The following SNRK variants were observed in gnomAD, a reference collection of about 807,000 sequenced individuals.
SNRK encodes SNF related kinase.
A neutral mutation model predicts 48.2 loss-of-function variants in SNRK; 3 were observed. That is an observed-to-expected ratio of 0.06 (90% confidence interval 0.03 to 0.16). SNRK has a LOEUF of 0.16. Among genes scored for constraint, SNRK ranks in the 10% least tolerant of loss-of-function variants. The pLI is 1.00. For missense variants in SNRK, 627 were observed against 976.0 expected, an observed-to-expected ratio of 0.64 and a Z score of 4.76; for synonymous variants, 376 against 366.1, an observed-to-expected ratio of 1.03 and a Z score of -0.31.
At chr3:43,323,944 A>G (rs1559465912) in intron 3 of SNRK, among the ~76,000 whole-genome samples, 1 of 152,156 alleles carries the variant, frequency 6.6e-6, no homozygotes, top group South Asian at 2.1e-4. Flanking sequence ...GGATGACTAC[A>G]CAGAGGCACA....
At chr3:43,309,349 G>A (rs1241604941) in intron 3 of SNRK, among the ~76,000 whole-genome samples, 7 of 152,156 alleles carry the variant, frequency 4.6e-5, no homozygotes, top group Admixed American at 4.6e-4. Context: ...ATTGACTTCA[G>A]TTTTGAAAGA....
rs560698109 is a variant in SNRK at position 43,320,851 on chromosome 3, A to G, written c.590-11318A>G. 2.0e-5 allele frequency among the ~76,000 whole-genome samples: 3 copies of G among 152,106 alleles called. No homozygotes were observed. The East Asian group carries it at 5.8e-4, about 29-fold the overall frequency. ...ATATGAATTTTTGCTTTAGATCTAG[A>G]AAGGGCTCTTCATGACTTTGAATTT... On this transcript the variant is annotated intron_variant, in intron 3 of 6. Transcript: ENST00000296088.
rs144855693 is a variant in SNRK at position 43,299,301 on chromosome 3, C to A, written c.-168-453C>A. On this transcript the variant is annotated intron_variant, in intron 1 of 6. Transcript: ENST00000296088. The stretch of plus-strand genomic sequence containing the variant: ...CAAGCAAGTCTCCTGCCTCAGTCTC[C>A]TGAGTAGCTGGGATTACAGGCGCCC... Among the ~76,000 whole-genome samples the A allele has an allele frequency of 6.6e-3, 1,005 of 152,240 alleles. 14 individuals carry two copies. Among genetic ancestry groups the A allele is most frequent in the African/African-American group, 0.023 (957 of 41,532 alleles).
chr3:43,308,862 C>G (rs1199066914), intron 3 of SNRK, among the ~76,000 whole-genome samples: 1 of 152,150 alleles, frequency 6.6e-6, no homozygotes, highest in South Asian at 2.1e-4. Context: ...TCCTCCGATC[C>G]ATCTGGGCAA....
intron 3 of SNRK, among the ~76,000 whole-genome samples, chr3:43,317,641 G>A (rs930379323): frequency 2.0e-5 from 3 of 151,910 alleles, no homozygotes; most frequent in Admixed American, 6.6e-5. Flanking sequence ...TTGCTCCTTC[G>A]GCTCCAGCCA....
chr3:43,322,612 A>G (rs537485006), intron 3 of SNRK, among the ~76,000 whole-genome samples: 7 of 152,338 alleles, frequency 4.6e-5, no homozygotes, highest in Middle Eastern at 3.4e-3. Flanking sequence ...TAACCTTGCA[A>G]ATAATTAGAG....
chr3:43,291,662 T>G (rs924852470), intron 1 of SNRK, among the ~76,000 whole-genome samples: 2 of 152,248 alleles, frequency 1.3e-5, no homozygotes, highest in Admixed American at 6.5e-5. Context: ...GACATGCCTT[T>G]TCATAGAAGT....
intron 3 of SNRK, among the ~76,000 whole-genome samples, chr3:43,313,634 A>G (rs1280483535): frequency 1.3e-5 from 2 of 152,206 alleles, no homozygotes; most frequent in African/African-American, 2.4e-5. Flanking sequence ...AAATCTCCAC[A>G]TGTGATAAAA....
chr3:43,300,476 C>CT, intron 2 of SNRK, among the ~76,000 whole-genome samples: 1 of 151,940 alleles, frequency 6.6e-6, no homozygotes. Flanking sequence ...TGGGGGCAGC[C>CT]TGAAGGAATG....
chr3:43,309,198 G>T (rs1218003542), intron 3 of SNRK, among the ~76,000 whole-genome samples: 1 of 152,036 alleles, frequency 6.6e-6, no homozygotes, highest in African/African-American at 2.4e-5. Context: ...TTAAATCCAT[G>T]AATGCAGGTG....
chr3:43,323,513 T>C (rs56741341), intron 3 of SNRK, among the ~76,000 whole-genome samples: 3,799 of 152,298 alleles, frequency 0.025, 164 homozygotes, highest in African/African-American at 0.084. Context: ...CTGGTGGGAA[T>C]GTAAAATCGT....
chr3:43,309,738 T>TCC (rs2090965529), intron 3 of SNRK, among the ~76,000 whole-genome samples: 1 of 151,998 alleles, frequency 6.6e-6, no homozygotes, highest in Non-Finnish European at 1.5e-5. Context: ...CACTTCAGCC[T>TCC]CCTGAGTAAT....
chr3:43,324,872 A>G (rs1024113608), intron 3 of SNRK, among the ~76,000 whole-genome samples: 2 of 152,240 alleles, frequency 1.3e-5, no homozygotes, highest in African/African-American at 2.4e-5. Flanking sequence ...TTTGCTATTT[A>G]AAGTTCATTT....
chr3:43,293,398 A>G (rs997622885), intron 1 of SNRK, among the ~76,000 whole-genome samples: 1 of 152,180 alleles, frequency 6.6e-6, no homozygotes, highest in African/African-American at 2.4e-5. Context: ...TATTTCATAG[A>G]TCTCTTAATG....
intron 2 of SNRK, 28 bp downstream of exon 2, chr3:43,299,843 C>T (rs2125617676): frequency 6.6e-6 from 1 of 152,654 alleles, no homozygotes; most frequent in African/African-American, 2.4e-5. Flanking sequence ...TACAAATTCA[C>T]CTTTACTTTA....
At position 43,340,508 on chromosome 3, in the gene SNRK, A is replaced by C; in HGVS notation, c.944+9A>C. On this transcript the variant is annotated intron_variant, in intron 5 of 6. Transcript: ENST00000296088. ...CGAGACGCCATTGTAGAGTACGTCA[A>C]TGCCCGTCAGTACAGAGGGCCACAG... 6.2e-7 allele frequency: 1 copy of C among 1,613,174 alleles called. No homozygotes were observed. The highest frequency in any genetic ancestry group is 1.7e-4 in the Middle Eastern group (1 of 5,932).
intron 3 of SNRK, among the ~76,000 whole-genome samples, chr3:43,325,039 AAG>A (rs1275950367): frequency 6.6e-6 from 1 of 152,200 alleles, no homozygotes; most frequent in Non-Finnish European, 1.5e-5. Flanking sequence ...TGCTTTTTGA[AAG>A]AGAACCCATT....
At chr3:43,295,975 G>A (rs1342576011) in intron 1 of SNRK, among the ~76,000 whole-genome samples, 1 of 152,120 alleles carries the variant, frequency 6.6e-6, no homozygotes, top group Non-Finnish European at 1.5e-5. Context: ...CTGACCTCAA[G>A]TAATCTATCC....
intron 1 of SNRK, among the ~76,000 whole-genome samples, chr3:43,295,716 G>A (rs911710745): frequency 4.6e-5 from 7 of 152,128 alleles, no homozygotes; most frequent in African/African-American, 1.7e-4. Context: ...GAGGCATGCT[G>A]TCCTTAAAAA....
Sources: gnomAD v4.1 joint callset for allele counts (sites outside exome capture counted in the v4.1 genomes callset) on GRCh38, gnomAD v4.1.1 for gene constraint, MANE v1.5 for transcripts, NCBI Gene and HGNC (gene_info 2026-07-23, HGNC 2026-07-21) for gene names.